Variants in DLGAP2 observed in about 807,000 individuals in gnomAD.
DLGAP2 encodes DLG associated protein 2.
In DLGAP2, 26 loss-of-function variants were observed where a neutral mutation model predicts 100.3. That is an observed-to-expected ratio of 0.26 (90% CI 0.19 to 0.36). The LOEUF is 0.36. Ranked by LOEUF, DLGAP2 falls within the 10% of genes least tolerant of loss-of-function variation. The pLI, the probability that DLGAP2 is intolerant of heterozygous loss-of-function variation, is 1.00. For missense variants in DLGAP2, 1,858 were observed against 1,453.2 expected (o/e 1.28, Z -4.53); for synonymous variants, 886 against 630.1 (o/e 1.41, Z -6.08).
At chr8:1,276,878 G>GTTGTGGCAT (rs1799708687) in intron 3 of DLGAP2, among the ~76,000 whole-genome samples, 2 of 152,162 alleles carry the variant, frequency 1.3e-5, no homozygotes, top group Non-Finnish European at 2.9e-5. Context: ...AAGTTTTCAT[G>GTTGTGGCAT]TTGTGGCAGA....
At chr8:1,473,422 G>A (rs1024579018) in intron 3 of DLGAP2, among the ~76,000 whole-genome samples, 1 of 152,198 alleles carries the variant, frequency 6.6e-6, no homozygotes, top group Non-Finnish European at 1.5e-5. Context: ...GGAGGCGAAG[G>A]TGTTCAGTTG....
intron 2 of DLGAP2, among the ~76,000 whole-genome samples, chr8:925,360 G>A (rs532565788): frequency 2.8e-4 from 42 of 152,220 alleles, no homozygotes; most frequent in Admixed American, 4.6e-4. Context: ...GGGCTTAAGC[G>A]ATCCTCCCAG....
At chr8:1,598,417 T>G (rs752604771) in intron 6 of DLGAP2, among the ~76,000 whole-genome samples, 1 of 152,244 alleles carries the variant, frequency 6.6e-6, no homozygotes. Context: ...TTCTATTGTT[T>G]GGAATAATTT....
intron 4 of DLGAP2, among the ~76,000 whole-genome samples, chr8:1,525,419 A>AT (rs1032246789): frequency 5.3e-5 from 8 of 151,930 alleles, no homozygotes; most frequent in African/African-American, 1.5e-4. Context: ...TTTTCCATCC[A>AT]TTTTTTCTGA....
intron 1 of DLGAP2, among the ~76,000 whole-genome samples, chr8:792,806 T>C (rs1795944904): frequency 6.6e-6 from 1 of 152,266 alleles, no homozygotes; most frequent in South Asian, 2.1e-4. Flanking sequence ...ATCTTTTCAT[T>C]GTGTAGTTAT....
rs959105685 is a variant in DLGAP2 at position 1,189,030 on chromosome 8, A to G, written c.74-69821A>G. Among the ~76,000 whole-genome samples, 26 of 123,456 alleles carry G rather than the reference A, an allele frequency of 2.1e-4. 1 individual carries two copies. The highest frequency in any genetic ancestry group is 2.6e-4 in the Non-Finnish European group (17 of 66,042). 81.0% of individuals were successfully genotyped at this position (123,456 alleles called of 152,430 possible). A position where few individuals can be genotyped will look rare whatever the true frequency, so the allele number is the denominator to read the frequency against. Reference sequence around the variant, plus strand: ...TGACCTTACACAGGGTTCGGGCCCCATGGCGGTTCCGCTGTTGGGGTTGAG... The same window carrying G: ...TGACCTTACACAGGGTTCGGGCCCCGTGGCGGTTCCGCTGTTGGGGTTGAG... On this transcript the variant is annotated intron_variant, in intron 2 of 14. Transcript: ENST00000637795.
chr8:1,042,527 G>T (rs1802383168), intron 2 of DLGAP2, among the ~76,000 whole-genome samples: 1 of 152,194 alleles, frequency 6.6e-6, no homozygotes, highest in Admixed American at 6.5e-5. Flanking sequence ...GGTGAGAAGA[G>T]CCGTGAAGCG....
At chr8:1,022,317 C>T (rs1407342417) in intron 2 of DLGAP2, among the ~76,000 whole-genome samples, 1 of 150,392 alleles carries the variant, frequency 6.6e-6, no homozygotes, top group Non-Finnish European at 1.5e-5. Flanking sequence ...CACCCACCCT[C>T]CCTGGGAGTG....
At chr8:1,118,876 A>G (rs980163241) in intron 2 of DLGAP2, among the ~76,000 whole-genome samples, 4 of 152,236 alleles carry the variant, frequency 2.6e-5, no homozygotes, top group African/African-American at 7.2e-5. Context: ...ACCAACACCT[A>G]TAGTTAAGTT....
At chr8:1,024,297 GTCCCGTGCCGAGGCAGACA>G (rs1261406084) in intron 2 of DLGAP2, among the ~76,000 whole-genome samples, 1 of 138,702 alleles carries the variant, frequency 7.2e-6, no homozygotes, top group African/African-American at 2.8e-5. Flanking sequence ...GGGGTGGACA[GTCCCGTGCCGAGGCAGACA>G]CCCCAGCCAC....
intron 2 of DLGAP2, among the ~76,000 whole-genome samples, chr8:994,226 G>C (rs920961934): frequency 6.6e-6 from 1 of 152,110 alleles, no homozygotes; most frequent in African/African-American, 2.4e-5. Context: ...TTGAGTTGGA[G>C]TTTCACTCTT....
At chr8:1,021,492 C>G (rs769782338) in intron 2 of DLGAP2, among the ~76,000 whole-genome samples, 3 of 152,186 alleles carry the variant, frequency 2.0e-5, no homozygotes, top group Non-Finnish European at 4.4e-5. Context: ...CATTTTTGGA[C>G]CAATTATGGG....
At chr8:1,568,801 C>T (rs1292577583) in intron 6 of DLGAP2, among the ~76,000 whole-genome samples, 1 of 142,598 alleles carries the variant, frequency 7.0e-6, no homozygotes, top group Non-Finnish European at 1.5e-5. Context: ...CCGTGGCCCC[C>T]ATGCCACTGT....
At chr8:1,601,642 G>T (rs1413710058) in intron 6 of DLGAP2, among the ~76,000 whole-genome samples, 1 of 152,108 alleles carries the variant, frequency 6.6e-6, no homozygotes, top group African/African-American at 2.4e-5. Context: ...ACAGATGTTT[G>T]TCACATTGAA....
In DLGAP2 at chr8:738,961, G is replaced by C. The variant is rs550816133; in HGVS notation, c.18+1136G>C. 18 of 154,200 alleles carry C rather than the reference G, an allele frequency of 1.2e-4. No individual in the cohort carries two copies. The South Asian group carries it at 2.1e-3, about 18-fold the overall frequency. The allele number at this position is 154,200 out of a possible 1,614,324, so 9.6% of individuals were successfully genotyped here. Reference sequence around the variant, plus strand: ...GCGGCCCCCGGTCCCGGCCCTGCGCGCTTGGAGCCCGGGTCCTTCCAGCCC... The same window carrying C: ...GCGGCCCCCGGTCCCGGCCCTGCGCCCTTGGAGCCCGGGTCCTTCCAGCCC... On this transcript the variant is annotated intron_variant, in intron 1 of 14. Transcript: ENST00000637795.
chr8:1,537,624 C>CT (rs1245927721), intron 4 of DLGAP2, among the ~76,000 whole-genome samples: 2 of 152,098 alleles, frequency 1.3e-5, no homozygotes, highest in African/African-American at 4.8e-5. Context: ...GCTCATCTCT[C>CT]TATCCCCAAC....
intron 2 of DLGAP2, among the ~76,000 whole-genome samples, chr8:986,115 G>A (rs936230503): frequency 6.6e-6 from 1 of 152,152 alleles, no homozygotes; most frequent in African/African-American, 2.4e-5. Context: ...GGCTGGTTGG[G>A]AAGAAGTTTC....
chr8:936,858 T>G (rs1799083940), intron 2 of DLGAP2, among the ~76,000 whole-genome samples: 1 of 152,222 alleles, frequency 6.6e-6, no homozygotes, highest in African/African-American at 2.4e-5. Context: ...GGAGAATGTT[T>G]CCAGCAGTGT....
At chr8:1,628,861 G>C (rs1797575090) in intron 7 of DLGAP2, among the ~76,000 whole-genome samples, 1 of 152,228 alleles carries the variant, frequency 6.6e-6, no homozygotes, top group Admixed American at 6.5e-5. Context: ...TGGGCTTCTG[G>C]GCCAAGGCCT....
Sources: gnomAD v4.1 joint callset for allele counts (sites outside exome capture counted in the v4.1 genomes callset) on GRCh38, gnomAD v4.1.1 for gene constraint, MANE v1.5 for transcripts, NCBI Gene and HGNC (gene_info 2026-07-23, HGNC 2026-07-21) for gene names.